Variants in CAMKMT observed in about 807,000 individuals in gnomAD.
CAMKMT encodes CaM KMT.
In CAMKMT, 53 loss-of-function variants were observed where a neutral mutation model predicts 48.0. That is an observed-to-expected ratio of 1.10 (90% CI 0.89 to 1.39). The LOEUF is 1.39. CAMKMT is among the 40% of genes most tolerant of loss of function. The pLI is 0.00. For missense variants in CAMKMT, 428 were observed against 402.7 expected, an observed-to-expected ratio of 1.06 and a Z score of -0.54; for synonymous variants, 165 against 152.3, an observed-to-expected ratio of 1.08 and a Z score of -0.61.
chr2:44,405,901 G>A lies in CAMKMT; in HGVS notation c.376+15596G>A, dbSNP rs1273936332. The stretch of plus-strand genomic sequence containing the variant: ...GGTAATAATTAGAAAGGAGACTTTG[G>A]CCTTTTATATATTAATTCAGTATTC... On this transcript the variant is annotated intron_variant, in intron 3 of 10. Coordinates refer to ENST00000378494, the MANE Select transcript of CAMKMT (RefSeq NM_024766.5). Among the ~76,000 whole-genome samples, 3 of 152,094 alleles carry A rather than the reference G, an allele frequency of 2.0e-5. No homozygotes were observed. In the East Asian group the frequency reaches 5.8e-4, roughly 29 times the overall value.
intron 3 of CAMKMT, among the ~76,000 whole-genome samples, chr2:44,600,404 C>G (rs1050791942): frequency 2.0e-5 from 3 of 151,710 alleles, no homozygotes; most frequent in African/African-American, 7.3e-5. Context: ...GTAGCTGGGA[C>G]TACAGGTGCA....
At chr2:44,672,036 T>C (rs1675360381) in intron 3 of CAMKMT, among the ~76,000 whole-genome samples, 1 of 152,162 alleles carries the variant, frequency 6.6e-6, no homozygotes, top group Non-Finnish European at 1.5e-5. Flanking sequence ...AGCTAAAACT[T>C]GACCTGCCCC....
intron 3 of CAMKMT, chr2:44,394,883 G>A (rs1681684542): frequency 4.4e-6 from 2 of 454,130 alleles, no homozygotes; most frequent in African/African-American, 2.0e-5. Flanking sequence ...TAAAAGTCAG[G>A]TGTGGAGGTA....
intron 6 of CAMKMT, among the ~76,000 whole-genome samples, chr2:44,713,769 C>G (rs186946681): frequency 2.1e-4 from 32 of 152,276 alleles, no homozygotes; most frequent in Non-Finnish European, 3.4e-4. Flanking sequence ...TGCTTATTCA[C>G]TCAGAGAAGA....
chr2:44,452,224 A>G (rs1667324185), intron 3 of CAMKMT, among the ~76,000 whole-genome samples: 2 of 152,026 alleles, frequency 1.3e-5, no homozygotes, highest in Admixed American at 1.3e-4. Context: ...TAGGAATAAA[A>G]TGTGGGTGTG....
intron 1 of CAMKMT, among the ~76,000 whole-genome samples, chr2:44,366,837 T>A (rs1022515516): frequency 6.6e-6 from 1 of 152,118 alleles, no homozygotes; most frequent in Non-Finnish European, 1.5e-5. Flanking sequence ...TTCTTGTGCC[T>A]TAGTCTTCTG....
chr2:44,542,496 T>TACACACACAC (rs371102222), intron 3 of CAMKMT, among the ~76,000 whole-genome samples: 1 of 134,066 alleles, frequency 7.5e-6, no homozygotes, highest in Non-Finnish European at 1.6e-5. Context: ...CACATACACA[T>TACACACACAC]ACACACACAC....
chr2:44,469,740 A>G (rs1442563775), intron 3 of CAMKMT, among the ~76,000 whole-genome samples: 1 of 152,064 alleles, frequency 6.6e-6, no homozygotes, highest in Non-Finnish European at 1.5e-5. Flanking sequence ...ATCACCATGC[A>G]TCTGTCTCCT....
intron 3 of CAMKMT, among the ~76,000 whole-genome samples, chr2:44,464,250 G>C (rs1040581248): frequency 6.6e-6 from 1 of 152,196 alleles, no homozygotes; most frequent in African/African-American, 2.4e-5. Flanking sequence ...GAAAGAATCA[G>C]CTAACTCAAA....
chr2:44,437,563 A>AT (rs1458585146), intron 3 of CAMKMT, among the ~76,000 whole-genome samples: 3 of 151,626 alleles, frequency 2.0e-5, no homozygotes, highest in Non-Finnish European at 4.4e-5. Flanking sequence ...AAAAGTCAGT[A>AT]TTGGCTGATC....
At chr2:44,593,786 G>A (rs1467320342) in intron 3 of CAMKMT, among the ~76,000 whole-genome samples, 5 of 83,844 alleles carry the variant, frequency 6.0e-5, no homozygotes, top group East Asian at 2.5e-4. Flanking sequence ...TTTTTGAGGC[G>A]GAATTTTGAT....
chr2:44,542,484 GACACAT>G (rs1194452135), intron 3 of CAMKMT, among the ~76,000 whole-genome samples: 10 of 129,682 alleles, frequency 7.7e-5, no homozygotes, highest in Admixed American at 5.8e-4. Flanking sequence ...CAGGAGGTAA[GACACAT>G]ACACATACAC....
intron 3 of CAMKMT, among the ~76,000 whole-genome samples, chr2:44,521,463 T>C (rs775566283): frequency 2.0e-5 from 3 of 152,072 alleles, no homozygotes; most frequent in Non-Finnish European, 4.4e-5. Context: ...TATTTTTTAG[T>C]AGAGATGGGG....
intron 3 of CAMKMT, among the ~76,000 whole-genome samples, chr2:44,565,542 C>T (rs557445754): frequency 1.3e-5 from 2 of 152,172 alleles, no homozygotes; most frequent in East Asian, 3.9e-4. Context: ...GAAAAAACTT[C>T]AGGAATAAAC....
intron 3 of CAMKMT, among the ~76,000 whole-genome samples, chr2:44,573,034 T>C (rs1434063295): frequency 6.6e-6 from 1 of 152,082 alleles, no homozygotes; most frequent in African/African-American, 2.4e-5. Context: ...CGTGTGCTGC[T>C]ATTACTGTTA....
At chr2:44,726,585 G>A (rs1678800321) in intron 7 of CAMKMT, among the ~76,000 whole-genome samples, 1 of 152,142 alleles carries the variant, frequency 6.6e-6, no homozygotes, top group Non-Finnish European at 1.5e-5. Flanking sequence ...TTACCCTGTT[G>A]GTAGTTTCTT....
chr2:44,615,819 G>T (rs1671858359), intron 3 of CAMKMT, among the ~76,000 whole-genome samples: 1 of 152,254 alleles, frequency 6.6e-6, no homozygotes, highest in African/African-American at 2.4e-5. Context: ...GCCTTTTAGT[G>T]GGCTCTGAAA....
rs1674562020 is a variant in CAMKMT, at chr2:44,659,481, G to C, written c.377-44802G>C. Among the ~76,000 whole-genome samples the C allele has an allele frequency of 2.0e-5, 3 of 150,730 alleles. No homozygotes were observed. In the South Asian group the frequency reaches 6.3e-4, roughly 32 times the overall value. On this transcript the variant is annotated intron_variant, in intron 3 of 10. Transcript: ENST00000378494. ...TCAGTGGGTCATGCCTATAATCCCA[G>C]CCCTTTGGGAGGCTGAGGTGGGAGG...
intron 3 of CAMKMT, among the ~76,000 whole-genome samples, chr2:44,662,703 T>A (rs1029854866): frequency 6.6e-6 from 1 of 152,096 alleles, no homozygotes; most frequent in African/African-American, 2.4e-5. Flanking sequence ...GCATCCTGAG[T>A]AGCATATGCA....
Sources: allele counts gnomAD v4.1 joint callset (sites outside exome capture counted in the v4.1 genomes callset), GRCh38; gene constraint gnomAD v4.1.1; transcripts MANE v1.5; gene names NCBI Gene and HGNC (gene_info 2026-07-23, HGNC 2026-07-21).